TRPV4: variants seen among roughly 807,000 people sequenced by gnomAD.
The protein encoded by TRPV4 is OSM9-like transient receptor potential channel 4.
In TRPV4, 58 loss-of-function variants were observed where a neutral mutation model predicts 84.1. The observed-to-expected ratio is 0.69, with a 90% CI of 0.56 to 0.86. The LOEUF (loss-of-function observed/expected upper bound fraction) is 0.86. Among genes scored for constraint, TRPV4 ranks in the 40% least tolerant of loss-of-function variants. The pLI is 0.00. For missense variants in TRPV4, 879 were observed against 1,181.1 expected (o/e 0.74, Z 3.75); for synonymous variants, 489 against 500.9 (o/e 0.98, Z 0.32).
intron 2 of TRPV4, among the ~76,000 whole-genome samples, chr12:109,811,557 C>T (rs1450068110): frequency 6.6e-6 from 1 of 151,786 alleles, no homozygotes; most frequent in Admixed American, 6.6e-5. Context: ...ACCCAGGAGG[C>T]TGAGGCTGGA....
Position 109,815,617 on chromosome 12 carries a change from C to G in TRPV4, c.-31-790G>C, listed in dbSNP as rs1592865198. Among the ~76,000 whole-genome samples, 1 of 152,322 alleles carries G rather than the reference C, an allele frequency of 6.6e-6. No individual in the cohort carries two copies. Among genetic ancestry groups the G allele is most frequent in the East Asian group, 1.9e-4 (1 of 5,184 alleles). On this transcript the variant is annotated intron_variant, in intron 1 of 15. Coordinates refer to ENST00000261740, the MANE Select transcript of TRPV4 (RefSeq NM_021625.5). The surrounding 1 kb of genome is among the most constrained non-coding windows in gnomAD (Gnocchi z 4.1). ...CTCAACTGGGCTCCTCTGGAAAGCC[C>G]TCCCTGGCCTGCACACACTCGCTCC...
At chr12:109,787,706 A>T (rs1889773925) in intron 13 of TRPV4, among the ~76,000 whole-genome samples, 1 of 152,190 alleles carries the variant, frequency 6.6e-6, no homozygotes, top group Admixed American at 6.5e-5. Context: ...TCCTGGGAGG[A>T]CAACCTTGGG....
rs761079651 is a variant in TRPV4, at chr12:109,793,585, T to C, written c.1600A>G (p.Met534Val). 8 of 1,613,740 alleles carry C rather than the reference T, an allele frequency of 5.0e-6. No individual in the cohort carries two copies. The highest frequency in any genetic ancestry group is 1.3e-5 in the African/African-American group (1 of 74,824). ...GAATTCACTCCAGGGCATTTCTTCA[T>C]GAACAAGTCTTTGATCTGGAAGACA... Reference protein sequence around the residue: ...FFFTNIKDLFMKKCPGVNSLF... With the variant: ...FFFTNIKDLFVKKCPGVNSLF... Residue 534 changes from methionine (M) to valine (V), a missense_variant, in exon 10 of 16, where the codon ATG (methionine) becomes GTG (valine). Coordinates refer to ENST00000261740, the MANE Select transcript of TRPV4 (RefSeq NM_021625.5). This position sits in a 1 kb window ranked among gnomAD's most constrained non-coding sequence, Gnocchi z 4.0.
At chr12:109,800,785 G>A in intron 4 of TRPV4, 27 bp from the exon 5 acceptor site, 1 of 1,610,328 alleles carries the variant, frequency 6.2e-7, no homozygotes, top group Non-Finnish European at 8.5e-7. Context: ...GTCATCCAGG[G>A]TCCTGGCGGA....
chr12:109,800,711 C>T lies in TRPV4; in HGVS notation c.760G>A (p.Val254Met), dbSNP rs143548402. 2.1e-4 allele frequency: 339 copies of T among 1,614,130 alleles called. 1 individual carries two copies. The South Asian group carries it at 2.3e-3, about 11-fold the overall frequency. ...GCTCCCTGGGCCACGAGAAGTTCCACGTAGTGTTTGCAGCGACGCTCAATG... is the reference window on the plus strand; with the variant it reads ...GCTCCCTGGGCCACGAGAAGTTCCATGTAGTGTTTGCAGCGACGCTCAATG... ...IAIERRCKHYVELLVAQGADV... is the reference protein window; with the variant it reads ...IAIERRCKHYMELLVAQGADV... The change falls in exon 5 of 16, where the codon GTG becomes ATG. Residue 254 changes from valine to methionine, a missense_variant. Val to Met is a conservative substitution (Grantham distance 21). Coordinates refer to ENST00000261740, the MANE Select transcript of TRPV4 (RefSeq NM_021625.5).
chr12:109,786,594 T>C lies in TRPV4; in HGVS notation c.2336+116A>G. On this transcript the variant is annotated intron_variant, in intron 14 of 15. Coordinates refer to ENST00000261740, the MANE Select transcript of TRPV4 (RefSeq NM_021625.5). The surrounding 1 kb of genome is among the most constrained non-coding windows in gnomAD (Gnocchi z 4.5). ...GGAAATGAACTCTGCTCGGGCCTCT[T>C]GGGGCCTCAGTGGCTCCAGAAATTG... 3 of 1,397,340 alleles carry C rather than the reference T, an allele frequency of 2.1e-6. No individual in the cohort carries two copies. The highest frequency in any genetic ancestry group is 3.0e-6 in the Non-Finnish European group (3 of 1,014,380). The allele number at this position is 1,397,340 out of a possible 1,614,324, so 86.6% of individuals were successfully genotyped here. A position where few individuals can be genotyped will look rare whatever the true frequency, so the allele number is the denominator to read the frequency against.
chr12:109,784,270 A>G lies in TRPV4; in HGVS notation c.2458+46T>C, dbSNP rs762224549. 2.5e-6 allele frequency: 4 copies of G among 1,613,738 alleles called. 1 individual carries two copies. The South Asian group carries it at 4.4e-5, about 18-fold the overall frequency. On this transcript the variant is annotated intron_variant, in intron 15 of 15. Coordinates refer to ENST00000261740, the MANE Select transcript of TRPV4 (RefSeq NM_021625.5). ...CAGGACTGCTCAAAGCAAATTCGTG[A>G]TGAGAATGGACTGGGGCTCCCCTCC... is the stretch of plus-strand genomic sequence containing the variant.
In TRPV4 at chr12:109,796,464, T is replaced by C; in HGVS notation, c.1332+61A>G. ...CTCCCCCAGCCCAGCCCCAGGGCCC[T>C]GTCCCTACTCCCAGCCCTGCCCCTC... On this transcript the variant is annotated intron_variant, in intron 7 of 15. Transcript: ENST00000261740. The surrounding 1 kb of genome is among the most constrained non-coding windows in gnomAD (Gnocchi z 4.2). 1 of 1,587,092 alleles carries C rather than the reference T, an allele frequency of 6.3e-7. No individual in the cohort carries two copies. Among genetic ancestry groups the C allele is most frequent in the Non-Finnish European group, 8.6e-7 (1 of 1,161,486 alleles).
chr12:109,827,189 G>A (rs944222938), intron 1 of TRPV4, among the ~76,000 whole-genome samples: 1 of 152,098 alleles, frequency 6.6e-6, no homozygotes, highest in African/African-American at 2.4e-5. Context: ...GCTATGTGTG[G>A]GGTTTTCTGG....
In TRPV4 at chr12:109,796,646, C is replaced by A. The variant is rs377257364; in HGVS notation, c.1211G>T (p.Arg404Leu). ...CCCATAGGCCCAGTCCTTGAACTTG[C>A]GGGACAGGTGCCGTGTGTCCTCATC... The part of the protein sequence containing the change: ...VTDEDTRHLS[R>L]KFKDWAYGPV... The change falls in exon 7 of 16, where the codon CGC becomes CTC. Residue 404 changes from arginine to leucine, a missense_variant. By Grantham distance (102) the Arg-to-Leu change is moderately radical. This residue lies in a region of TRPV4 where 521 missense variants were observed against 686.6 expected (regional missense o/e 0.76). Coordinates refer to ENST00000261740, the MANE Select transcript of TRPV4 (RefSeq NM_021625.5). The surrounding 1 kb of genome is among the most constrained non-coding windows in gnomAD (Gnocchi z 4.2). The A allele has an allele frequency of 9.3e-6, 15 of 1,614,042 alleles. No individual in the cohort carries two copies. The South Asian group carries it at 1.5e-4, about 17-fold the overall frequency.
rs754023659 is a variant in TRPV4, at chr12:109,803,048, G to A, written c.655C>T (p.Arg219Cys). Reference protein sequence around the residue: ...TIPVLLDIAERTGNMREFINS... With the variant: ...TIPVLLDIAECTGNMREFINS... ...ATGAACTCCCTCATGTTGCCGGTGC[G>A]CTCCGCGATGTCCAGCAGCACAGGG... Residue 219 changes from arginine (R) to cysteine (C), a missense_variant, in exon 4 of 16, where the codon CGC becomes TGC. Physicochemically the swap from Arg to Cys is radical, Grantham distance 180. Transcript: ENST00000261740. 1.9e-5 allele frequency: 30 copies of A among 1,614,024 alleles called. No individual in the cohort carries two copies. In the African/African-American group the frequency reaches 2.1e-4, roughly 11 times the overall value.
chr12:109,821,640 G>A (rs561443729), intron 1 of TRPV4, among the ~76,000 whole-genome samples: 11 of 151,768 alleles, frequency 7.2e-5, no homozygotes, highest in African/African-American at 2.2e-4. Flanking sequence ...AGCAATTCTC[G>A]TGCCTCAGCC....
intron 3 of TRPV4, among the ~76,000 whole-genome samples, chr12:109,804,091 C>G (rs1241518032): frequency 6.6e-6 from 1 of 152,084 alleles, no homozygotes; most frequent in Non-Finnish European, 1.5e-5. Context: ...GGGGGTGCAA[C>G]AATAATAACC....
Position 109,783,602 on chromosome 12 carries a change from T to A in TRPV4, c.*19A>T, listed in dbSNP as rs763236027. The A allele has an allele frequency of 1.3e-5, 21 of 1,609,108 alleles. No individual in the cohort carries two copies. The highest frequency in any genetic ancestry group is 3.3e-5 in the Admixed American group (2 of 59,806). On this transcript the variant is annotated 3_prime_UTR_variant, in exon 16 of 16. Transcript: ENST00000261740. This position sits in a 1 kb window ranked among gnomAD's most constrained non-coding sequence, Gnocchi z 4.6. ...ACTAGAAATGAGTGGGCAGAGAAGC[T>A]GGGGCTGGGCTGCAGTCCCTAGAGC... is the stretch of plus-strand genomic sequence containing the variant.
At chr12:109,806,634 C>T (rs1283200309) in intron 3 of TRPV4, among the ~76,000 whole-genome samples, 1 of 150,036 alleles carries the variant, frequency 6.7e-6, no homozygotes, top group East Asian at 2.0e-4. Context: ...GCAGGAGGAT[C>T]GCTTGAAGCC....
intron 2 of TRPV4, among the ~76,000 whole-genome samples, chr12:109,811,585 G>C (rs1891516890): frequency 6.6e-6 from 1 of 151,964 alleles, no homozygotes. Context: ...TTGAACCTGG[G>C]AGGTGGAGGT....
chr12:109,805,317 CA>C (rs1891050643), intron 3 of TRPV4, among the ~76,000 whole-genome samples: 1 of 152,142 alleles, frequency 6.6e-6, no homozygotes, highest in East Asian at 1.9e-4. Context: ...ATAGGTGACC[CA>C]AAGTGGAACT....
chr12:109,794,231 C>T, intron 8 of TRPV4, 98 bp downstream of exon 8: 1 of 1,500,020 alleles, frequency 6.7e-7, no homozygotes, highest in Non-Finnish European at 9.1e-7. Flanking sequence ...TTCTCCGGGT[C>T]CCCCTACAGG....
chr12:109,794,062 C>T lies in TRPV4; in HGVS notation c.1492-40G>A, dbSNP rs1026202958. 5.9e-6 allele frequency: 9 copies of T among 1,516,190 alleles called. No homozygotes were observed. In the Admixed American group the frequency reaches 9.5e-5, roughly 16 times the overall value. The allele number at this position is 1,516,190 out of a possible 1,614,324, so 93.9% of individuals were successfully genotyped here. A position where few individuals can be genotyped will look rare whatever the true frequency, so the allele number is the denominator to read the frequency against. The stretch of plus-strand genomic sequence containing the variant: ...GGGCACACAGGTCGTCACCCAGCCC[C>T]TCCAACATCTGGCCCCCAATCCAGA... On this transcript the variant is annotated intron_variant, in intron 8 of 15. Transcript: ENST00000261740.
Sources: allele counts gnomAD v4.1 joint callset (sites outside exome capture counted in the v4.1 genomes callset), GRCh38; gene constraint gnomAD v4.1.1; regional missense constraint gnomAD v4.1.1; non-coding constraint Gnocchi (gnomAD v3.1); transcripts MANE v1.5; gene names NCBI Gene and HGNC (gene_info 2026-07-23, HGNC 2026-07-21).